Variants in WAPL observed in about 807,000 individuals in gnomAD.
WAPL encodes the protein WAPL cohesin release factor, also known as wings apart-like protein homolog.
A neutral mutation model predicts 121.0 loss-of-function variants in WAPL; 5 were observed. The ratio of observed to expected loss-of-function variants is 0.04; its 90% confidence interval spans 0.02 to 0.09. The LOEUF (loss-of-function observed/expected upper bound fraction) is 0.09, where lower values mean the gene tolerates loss of function less well. WAPL is among the 10% of genes least tolerant of loss of function. WAPL has a pLI of 1.00. For missense variants in WAPL, 999 were observed against 1,410.8 expected, an observed-to-expected ratio of 0.71 and a Z score of 4.68; for synonymous variants, 480 against 481.5, an observed-to-expected ratio of 1.00 and a Z score of 0.04.
chr10:86,440,953 C>T (rs1849455873), intron 17 of WAPL, among the ~76,000 whole-genome samples: 1 of 150,634 alleles, frequency 6.6e-6, no homozygotes, highest in African/African-American at 2.4e-5. Flanking sequence ...GGTAGATGGG[C>T]CCAGGTACAC....
intron 4 of WAPL, among the ~76,000 whole-genome samples, chr10:86,477,302 C>A (rs893848096): frequency 2.0e-5 from 3 of 152,068 alleles, no homozygotes; most frequent in African/African-American, 7.2e-5. Flanking sequence ...ATGTAAAGCA[C>A]AAAACAGTGG....
chr10:86,447,937 A>C (rs1319982242), intron 15 of WAPL, among the ~76,000 whole-genome samples: 1 of 152,036 alleles, frequency 6.6e-6, no homozygotes, highest in East Asian at 1.9e-4. Context: ...AATCCCAGCT[A>C]CTTGGGAGGC....
intron 5 of WAPL, among the ~76,000 whole-genome samples, chr10:86,473,258 TAAG>T (rs1253274005): frequency 6.6e-6 from 1 of 152,226 alleles, no homozygotes; most frequent in East Asian, 1.9e-4. Context: ...CTAATCAGTT[TAAG>T]AAGACAGGGA....
rs373017129 is a variant in WAPL at position 86,473,944 on chromosome 10, T to C, written c.1674A>G (p.Arg558=). ...CTTCTGAATCTGGATGATTCCAATG[T>C]CTGGCATTATATACAGCTTTTGTGG... ...RSPTKAVYNA[R]HWNHPDSEEL... The change falls in exon 5 of 19, where the codon AGA becomes AGG. Residue 558 remains arginine (R), a synonymous_variant. Transcript: ENST00000298767. 3.2e-5 allele frequency: 51 copies of C among 1,613,966 alleles called. No homozygotes were observed. Among genetic ancestry groups the C allele is most frequent in the Middle Eastern group, 3.3e-4 (2 of 6,080 alleles).
In WAPL at chr10:86,472,703, G is replaced by A; in HGVS notation, c.1802C>T (p.Pro601Leu). 6.2e-7 allele frequency: 1 copy of A among 1,613,810 alleles called. No homozygotes were observed. The highest frequency in any genetic ancestry group is 8.5e-7 in the Non-Finnish European group (1 of 1,179,874). ...KDDGVFKAPA[P>L]PSKVIKTVTI... ...CACAGTTTTTATCACTTTGGATGGT[G>A]GTGCAGGAGCCTTAAAAACTCCATC... The change falls in exon 6 of 19, where the codon CCA becomes CTA. Residue 601 changes from proline (P) to leucine (L), a missense_variant. Pro to Leu is a moderately conservative substitution (Grantham distance 98, BLOSUM62 -3). Around this residue, in one of 7 missense-constraint regions of WAPL, gnomAD observed 74 missense variants for 115.1 expected, o/e 0.64. Transcript: ENST00000298767. The surrounding 1 kb of genome is among the most constrained non-coding windows in gnomAD (Gnocchi z 4.2).
chr10:86,462,721 CAA>C (rs59998538), intron 9 of WAPL, among the ~76,000 whole-genome samples: 7 of 80,606 alleles, frequency 8.7e-5, no homozygotes, highest in African/African-American at 2.3e-4. Flanking sequence ...GATCCCGTCT[CAA>C]AAAAAAAAAA....
intron 1 of WAPL, among the ~76,000 whole-genome samples, chr10:86,520,931 C>T (rs1278164975): frequency 6.6e-6 from 1 of 152,128 alleles, no homozygotes; most frequent in African/African-American, 2.4e-5. Context: ...ACAGCCGGGG[C>T]GCCACGGGCA....
At chr10:86,449,936 G>C (rs764281757) in intron 15 of WAPL, among the ~76,000 whole-genome samples, 1 of 152,168 alleles carries the variant, frequency 6.6e-6, no homozygotes, top group Admixed American at 6.5e-5. Flanking sequence ...GTGAGTACAT[G>C]AATCTATACA....
chr10:86,458,417 GAT>G (rs1190973161), intron 12 of WAPL, among the ~76,000 whole-genome samples: 2 of 152,128 alleles, frequency 1.3e-5, no homozygotes, highest in Non-Finnish European at 2.9e-5. Context: ...GCTACATACA[GAT>G]ATAGAAAAAC....
intron 4 of WAPL, among the ~76,000 whole-genome samples, chr10:86,483,110 G>C (rs565706637): frequency 9.9e-5 from 15 of 152,124 alleles, no homozygotes; most frequent in Non-Finnish European, 1.8e-4. Flanking sequence ...CTACTGTGCT[G>C]CCAGTCCTAT....
chr10:86,463,630 G>T (rs11814255), intron 9 of WAPL, among the ~76,000 whole-genome samples: 1 of 152,170 alleles, frequency 6.6e-6, no homozygotes, highest in Non-Finnish European at 1.5e-5. Flanking sequence ...TTAAACTTTG[G>T]GAGCCAGTGT....
chr10:86,511,795 G>A (rs1842468261), intron 2 of WAPL, among the ~76,000 whole-genome samples: 1 of 152,160 alleles, frequency 6.6e-6, no homozygotes, highest in Non-Finnish European at 1.5e-5. Context: ...GCCCAGTGTG[G>A]TGGTGAACCA....
intron 4 of WAPL, among the ~76,000 whole-genome samples, chr10:86,494,052 T>A (rs1380050774): frequency 1.3e-5 from 2 of 152,134 alleles, no homozygotes; most frequent in South Asian, 2.1e-4. Flanking sequence ...GCATTGACAT[T>A]TGTATGGATG....
At chr10:86,497,063 A>T in intron 4 of WAPL, 138 bp downstream of exon 4, 1 of 672,114 alleles carries the variant, frequency 1.5e-6, no homozygotes, top group Non-Finnish European at 2.4e-6. Context: ...AAATGGTTAT[A>T]TCTGAAAAAA....
intron 4 of WAPL, among the ~76,000 whole-genome samples, chr10:86,480,989 TATTA>T (rs1282492974): frequency 6.6e-6 from 1 of 152,214 alleles, no homozygotes; most frequent in Non-Finnish European, 1.5e-5. Context: ...ATAAGCTATC[TATTA>T]ATAACTAATT....
intron 4 of WAPL, among the ~76,000 whole-genome samples, chr10:86,478,868 GC>G (rs1841720440): frequency 6.6e-6 from 1 of 152,180 alleles, no homozygotes; most frequent in African/African-American, 2.4e-5. Context: ...GCCGAGGTGG[GC>G]AGACCACTTG....
At chr10:86,484,137 G>C (rs1841872580) in intron 4 of WAPL, among the ~76,000 whole-genome samples, 1 of 152,172 alleles carries the variant, frequency 6.6e-6, no homozygotes, top group South Asian at 2.1e-4. Context: ...TTTGTTTTAA[G>C]CTATGTGTTA....
intron 8 of WAPL, among the ~76,000 whole-genome samples, chr10:86,469,249 T>TAAATCATTAATAAAATGTCTCAAAA (rs1431794434): frequency 5.0e-5 from 5 of 100,774 alleles, no homozygotes; most frequent in South Asian, 3.1e-4. Flanking sequence ...AATAATTTTT[T>TAAATCATTAATAAAATGTCTCAAAA]TTTTTTTTTT....
chr10:86,476,820 G>A (rs146600602), intron 4 of WAPL, among the ~76,000 whole-genome samples: 304 of 151,974 alleles, frequency 2.0e-3, no homozygotes, highest in African/African-American at 6.8e-3. Flanking sequence ...ACCTAATAAA[G>A]AATATGATAA....
Sources: gnomAD v4.1 joint callset for allele counts (sites outside exome capture counted in the v4.1 genomes callset) on GRCh38, gnomAD v4.1.1 for gene constraint, gnomAD v4.1.1 regional missense constraint, Gnocchi (gnomAD v3.1) non-coding constraint, MANE v1.5 for transcripts, NCBI Gene and HGNC (gene_info 2026-07-23, HGNC 2026-07-21) for gene names.